Variants in SLCO3A1 observed in about 807,000 individuals in gnomAD.
SLCO3A1 encodes PGE1 transporter.
In SLCO3A1, 27 loss-of-function variants were observed where a neutral mutation model predicts 63.1. The ratio of observed to expected loss-of-function variants is 0.43; its 90% CI spans 0.32 to 0.59. SLCO3A1 has a LOEUF of 0.59. SLCO3A1 is among the 20% of genes least tolerant of loss of function. SLCO3A1 has a pLI of 0.09. For synonymous variants in SLCO3A1, 473 were observed against 409.9 expected (o/e 1.15, Z -1.86); for missense variants, 773 against 945.8 (o/e 0.82, Z 2.40).
At chr15:92,172,341 G>A (rs1053909) in exon 11 of SLCO3A1, 49,141 of 153,710 alleles carry the variant, frequency 0.32, 8,246 homozygotes, top group Middle Eastern at 0.41. Context: ...TTTTTGCAGC[G>A]TTTATTTTCC....
At chr15:91,957,110 A>ACTATATAG (rs368376833) in intron 2 of SLCO3A1, among the ~76,000 whole-genome samples, 3 of 6,670 alleles carry the variant, frequency 4.5e-4, no homozygotes, top group African/African-American at 3.3e-3. Flanking sequence ...TAATATATAT[A>ACTATATAG]TATATAATAT....
intron 1 of SLCO3A1, among the ~76,000 whole-genome samples, chr15:91,858,652 A>T (rs944931306): frequency 6.6e-6 from 1 of 152,352 alleles, no homozygotes; most frequent in South Asian, 2.1e-4. Context: ...CCGCCTTGCT[A>T]ATCAATTGCC....
At chr15:91,876,556 A>G (rs1897402838) in intron 1 of SLCO3A1, among the ~76,000 whole-genome samples, 1 of 152,220 alleles carries the variant, frequency 6.6e-6, no homozygotes, top group Non-Finnish European at 1.5e-5. Flanking sequence ...GGTATCTCCT[A>G]TAATTAAGCA....
Position 92,068,716 on chromosome 15 carries a change from C to T in SLCO3A1, c.647-26165C>T, listed in dbSNP as rs115408256. The stretch of plus-strand genomic sequence containing the variant: ...CTGCAGGCATTTGGAATGTTCTGTC[C>T]GAATGGTGTTAACAGCCTCATCCCT... On this transcript the variant is annotated intron_variant, in intron 2 of 9. Transcript: ENST00000318445. Among the ~76,000 whole-genome samples, 359 of 152,256 alleles carry T rather than the reference C, an allele frequency of 2.4e-3. 3 individuals carry two copies. Among genetic ancestry groups the T allele is most frequent in the African/African-American group, 7.8e-3 (324 of 41,536 alleles).
chr15:91,905,795 A>G (rs1178339013), intron 1 of SLCO3A1, among the ~76,000 whole-genome samples: 1 of 152,216 alleles, frequency 6.6e-6, no homozygotes, highest in Admixed American at 6.5e-5. Context: ...AAAATTTCAT[A>G]TGACCTCAGA....
intron 1 of SLCO3A1, among the ~76,000 whole-genome samples, chr15:91,898,596 G>T (rs973403084): frequency 6.6e-6 from 1 of 151,988 alleles, no homozygotes; most frequent in African/African-American, 2.4e-5. Flanking sequence ...ATTTCGATCC[G>T]CAAGATACTA....
intron 2 of SLCO3A1, among the ~76,000 whole-genome samples, chr15:91,951,119 C>G (rs1452246065): frequency 1.3e-5 from 2 of 152,036 alleles, no homozygotes; most frequent in Non-Finnish European, 2.9e-5. Flanking sequence ...ATTGTAAAGT[C>G]CTGTGGTTTT....
At chr15:92,153,861 A>AG (rs577886759) in intron 9 of SLCO3A1, among the ~76,000 whole-genome samples, 1 of 152,112 alleles carries the variant, frequency 6.6e-6, no homozygotes, top group Non-Finnish European at 1.5e-5. Flanking sequence ...CTGGGGGGAA[A>AG]GGGGGGACAG....
At position 91,916,229 on chromosome 15, in the gene SLCO3A1, G is replaced by C. The variant is rs1035601884; in HGVS notation, c.417G>C (p.Glu139Asp). ...ACCAGTACAAGTACGAGGCGGGCGA[G>C]ATCCGCTGGGGCGCCGAGGGCCGCG... ...LTHQYKYEAG[E>D]IRWGAEGRDV... The change falls in exon 2 of 10, where the codon GAG (glutamate) becomes GAC (aspartate). Residue 139 changes from glutamate (E) to aspartate (D), a missense_variant. Glu to Asp is a conservative substitution (Grantham distance 45). This residue lies in a region of SLCO3A1 where 565 missense variants were observed against 749.8 expected (regional missense o/e 0.75). Transcript: ENST00000318445. This position sits in a 1 kb window ranked among gnomAD's most constrained non-coding sequence, Gnocchi z 6.2. 3 of 1,573,810 alleles carry C rather than the reference G, an allele frequency of 1.9e-6. No individual in the cohort carries two copies. The highest frequency in any genetic ancestry group is 2.6e-6 in the Non-Finnish European group (3 of 1,161,360).
At chr15:91,918,517 G>A (rs997562669) in intron 2 of SLCO3A1, among the ~76,000 whole-genome samples, 2 of 152,184 alleles carry the variant, frequency 1.3e-5, no homozygotes, top group South Asian at 2.1e-4. Flanking sequence ...ATCGGGATCA[G>A]GAGAGGACAA....
At position 91,948,720 on chromosome 15, in the gene SLCO3A1, C is replaced by T. The variant is rs983104742; in HGVS notation, c.646+32262C>T. Among the ~76,000 whole-genome samples, 1 of 152,144 alleles carries T rather than the reference C, an allele frequency of 6.6e-6. No homozygotes were observed. The highest frequency in any genetic ancestry group is 1.5e-5 in the Non-Finnish European group (1 of 68,034). On this transcript the variant is annotated intron_variant, in intron 2 of 9. Coordinates refer to ENST00000318445, the MANE Select transcript of SLCO3A1 (RefSeq NM_013272.4). The surrounding 1 kb of genome is among the most constrained non-coding windows in gnomAD (Gnocchi z 4.8). ...CGTCCAAGGAATAGGAGAGCCATGG[C>T]ACAGGAAGTGGAAAGTCAGTCTGGG...
intron 2 of SLCO3A1, among the ~76,000 whole-genome samples, chr15:91,962,858 A>G (rs1430968055): frequency 2.0e-5 from 3 of 152,200 alleles, no homozygotes; most frequent in Non-Finnish European, 4.4e-5. Flanking sequence ...TACAGGGAGA[A>G]GGCCTGGAAA....
intron 9 of SLCO3A1, among the ~76,000 whole-genome samples, chr15:92,151,854 T>TGG (rs1218598341): frequency 6.6e-6 from 1 of 152,212 alleles, no homozygotes; most frequent in Non-Finnish European, 1.5e-5. Flanking sequence ...TCATTCCACG[T>TGG]ATATAATCGT....
chr15:92,056,302 T>G (rs2047020751), intron 2 of SLCO3A1, among the ~76,000 whole-genome samples: 1 of 152,220 alleles, frequency 6.6e-6, no homozygotes, highest in South Asian at 2.1e-4. Flanking sequence ...AATTCCTTGC[T>G]GAACCATCTG....
intron 2 of SLCO3A1, among the ~76,000 whole-genome samples, chr15:92,018,966 C>G (rs562749492): frequency 3.9e-5 from 6 of 152,106 alleles, no homozygotes; most frequent in Non-Finnish European, 8.8e-5. Flanking sequence ...TTTTTTCCCC[C>G]CAGGAGGCTA....
intron 2 of SLCO3A1, among the ~76,000 whole-genome samples, chr15:91,938,909 TG>T (rs964187603): frequency 1.2e-4 from 19 of 152,224 alleles, no homozygotes; most frequent in African/African-American, 4.6e-4. Context: ...CCGGAGAAGT[TG>T]GGTAGGGAAG....
chr15:92,078,443 G>A (rs2047305010), intron 2 of SLCO3A1, among the ~76,000 whole-genome samples: 1 of 152,214 alleles, frequency 6.6e-6, no homozygotes, highest in African/African-American at 2.4e-5. Context: ...GCTGTAGGCA[G>A]GTCATAGCCT....
chr15:92,031,046 AG>A (rs1567076731), intron 2 of SLCO3A1, among the ~76,000 whole-genome samples: 3 of 129,902 alleles, frequency 2.3e-5, no homozygotes, highest in Admixed American at 1.6e-4. Flanking sequence ...GAGGGAGGGA[AG>A]GGGAGGATGT....
chr15:92,034,755 A>C (rs1372243167), intron 2 of SLCO3A1, among the ~76,000 whole-genome samples: 1 of 151,868 alleles, frequency 6.6e-6, no homozygotes, highest in Non-Finnish European at 1.5e-5. Flanking sequence ...CCTCGTTCCC[A>C]TGTCCCCTCC....
Sources: gnomAD v4.1 joint callset for allele counts (sites outside exome capture counted in the v4.1 genomes callset) on GRCh38, gnomAD v4.1.1 for gene constraint, gnomAD v4.1.1 regional missense constraint, Gnocchi (gnomAD v3.1) non-coding constraint, MANE v1.5 for transcripts, NCBI Gene and HGNC (gene_info 2026-07-23, HGNC 2026-07-21) for gene names.